The following LINGO2 variants were observed in gnomAD, a reference collection of about 807,000 sequenced individuals.
The protein encoded by LINGO2 is leucine-rich repeat and immunoglobulin-like domain-containing nogo receptor-interacting protein 2.
LINGO2 carries 14 observed loss-of-function variants against 30.6 expected under a neutral mutation model. The ratio of observed to expected loss-of-function variants is 0.46; its 90% CI spans 0.30 to 0.72. LINGO2 has a LOEUF of 0.72. Ranked by LOEUF, LINGO2 falls within the 30% of genes least tolerant of loss-of-function variation. LINGO2 has a pLI of 0.07. For synonymous variants in LINGO2, 317 were observed against 288.5 expected, an observed-to-expected ratio of 1.10 and a Z score of -1.00; for missense variants, 729 against 751.7, an observed-to-expected ratio of 0.97 and a Z score of 0.35.
chr9:28,667,753 A>AAAAAC (rs1452581432), intron 1 of LINGO2, among the ~76,000 whole-genome samples: 1 of 152,136 alleles, frequency 6.6e-6, no homozygotes, highest in African/African-American at 2.4e-5. Context: ...AAACAAAAAC[A>AAAAAC]AAAACAAAAA....
intron 3 of LINGO2, among the ~76,000 whole-genome samples, chr9:28,362,363 A>G (rs1257264170): frequency 2.6e-5 from 4 of 152,256 alleles, no homozygotes; most frequent in Non-Finnish European, 4.4e-5. Context: ...AGTCAAATAC[A>G]AATAAAATTA....
rs1308546594 is a variant in LINGO2 at position 28,173,050 on chromosome 9, A to C, written c.-87+122158T>G. Among the ~76,000 whole-genome samples, 3 of 152,272 alleles carry C rather than the reference A, an allele frequency of 2.0e-5. No individual in the cohort carries two copies. The East Asian group carries it at 5.8e-4, about 29-fold the overall frequency. ...AACTGTCTTAAAATTGTGTAATCTGAAGGCTCCAATTCAGCAGAGGCAGTT... is the reference window on the plus strand; with the variant it reads ...AACTGTCTTAAAATTGTGTAATCTGCAGGCTCCAATTCAGCAGAGGCAGTT... On this transcript the variant is annotated intron_variant, in intron 4 of 5. Transcript: ENST00000379992.
rs189614691 is a variant in LINGO2 at position 28,148,772 on chromosome 9, C to T, written c.-86-136367G>A. On this transcript the variant is annotated intron_variant, in intron 4 of 5. Coordinates refer to ENST00000379992, the Ensembl canonical transcript of LINGO2. This position sits in a 1 kb window ranked among gnomAD's most constrained non-coding sequence, Gnocchi z 5.1. ...GCCTGACCCACTTCCAACAGTGCTC[C>T]CTGCCCCAGTTCCAGGCTGCTCCCT... The T allele has an allele frequency of 8.5e-4, 1,302 of 1,534,108 alleles. 22 individuals carry two copies. In the South Asian group the frequency reaches 0.013, roughly 15 times the overall value.
the LINGO2 span, among the ~76,000 whole-genome samples, chr9:28,885,219 T>A: frequency 6.9e-6 from 1 of 145,386 alleles, no homozygotes; most frequent in Non-Finnish European, 1.5e-5. Flanking sequence ...ATTGCAACGG[T>A]GCCCCTTGTG....
chr9:28,155,275 T>C (rs1462318765), intron 4 of LINGO2, among the ~76,000 whole-genome samples: 1 of 152,162 alleles, frequency 6.6e-6, no homozygotes, highest in Admixed American at 6.5e-5. Flanking sequence ...GCAAACAAGG[T>C]CACATGCTGT....
chr9:28,396,531 C>G (rs1474727117), intron 2 of LINGO2, among the ~76,000 whole-genome samples: 2 of 151,606 alleles, frequency 1.3e-5, no homozygotes, highest in Non-Finnish European at 2.9e-5. Flanking sequence ...GGTGAAACCC[C>G]GTCTCTACTA....
chr9:28,666,997 A>C (rs1828827018), intron 1 of LINGO2, among the ~76,000 whole-genome samples: 1 of 152,196 alleles, frequency 6.6e-6, no homozygotes, highest in Non-Finnish European at 1.5e-5. Context: ...CTTAGTATTA[A>C]ATAAAATGTA....
intron 5 of LINGO2, among the ~76,000 whole-genome samples, chr9:27,982,035 GTC>G (rs1362096567): frequency 6.6e-6 from 1 of 151,836 alleles, no homozygotes; most frequent in Non-Finnish European, 1.5e-5. Flanking sequence ...AATCTACAGA[GTC>G]TCTGTGAAAA....
intron 4 of LINGO2, among the ~76,000 whole-genome samples, chr9:28,171,915 G>C (rs939870134): frequency 1.4e-3 from 212 of 149,540 alleles, no homozygotes; most frequent in Middle Eastern, 0.01. Context: ...CCAGCTACTT[G>C]GGAGGCTGAG....
At chr9:28,619,001 C>T (rs775172284) in intron 1 of LINGO2, among the ~76,000 whole-genome samples, 31 of 152,076 alleles carry the variant, frequency 2.0e-4, no homozygotes, top group Admixed American at 1.4e-3. Flanking sequence ...AATAAGACTT[C>T]GTAAATGATT....
At chr9:28,382,333 T>C (rs1166380429) in intron 2 of LINGO2, among the ~76,000 whole-genome samples, 2 of 152,136 alleles carry the variant, frequency 1.3e-5, no homozygotes, top group Non-Finnish European at 2.9e-5. Context: ...TGTTCTCTCA[T>C]GGAATGATTC....
chr9:28,383,028 T>C (rs1201968725), intron 2 of LINGO2, among the ~76,000 whole-genome samples: 1 of 152,026 alleles, frequency 6.6e-6, no homozygotes, highest in Admixed American at 6.6e-5. Flanking sequence ...AGGTGGTAAG[T>C]GTGGAAGTGA....
At chr9:28,321,353 A>G (rs1825035343) in intron 3 of LINGO2, among the ~76,000 whole-genome samples, 1 of 152,194 alleles carries the variant, frequency 6.6e-6, no homozygotes, top group Admixed American at 6.5e-5. Flanking sequence ...AGAGGCAGAG[A>G]AAACTGCATA....
At chr9:28,576,788 T>A (rs1006280751) in intron 1 of LINGO2, among the ~76,000 whole-genome samples, 2 of 152,288 alleles carry the variant, frequency 1.3e-5, no homozygotes, top group Non-Finnish European at 2.9e-5. Context: ...ATCTGTGAGA[T>A]TTTGGTGTAC....
chr9:28,662,235 A>G (rs140510242), intron 1 of LINGO2, among the ~76,000 whole-genome samples: 12 of 152,290 alleles, frequency 7.9e-5, no homozygotes, highest in South Asian at 6.2e-4. Context: ...GCGGGGCCCA[A>G]TGCAAATCGG....
At chr9:28,951,898 A>G in the LINGO2 span, among the ~76,000 whole-genome samples, 1 of 152,176 alleles carries the variant, frequency 6.6e-6, no homozygotes, top group Admixed American at 6.6e-5. Flanking sequence ...ATATGAATAG[A>G]CACTTCTCAA....
At chr9:28,094,092 A>G (rs1224952933) in intron 4 of LINGO2, among the ~76,000 whole-genome samples, 2 of 152,144 alleles carry the variant, frequency 1.3e-5, no homozygotes, top group African/African-American at 2.4e-5. Flanking sequence ...GCCAAATGTT[A>G]CATATAATTA....
At chr9:28,405,411 T>G (rs1822462178) in intron 2 of LINGO2, among the ~76,000 whole-genome samples, 2 of 151,986 alleles carry the variant, frequency 1.3e-5, no homozygotes, top group South Asian at 4.2e-4. Flanking sequence ...CTCAGGGGAG[T>G]CTGGGCCCAT....
At chr9:28,441,128 A>T (rs1824175782) in intron 2 of LINGO2, among the ~76,000 whole-genome samples, 1 of 152,044 alleles carries the variant, frequency 6.6e-6, no homozygotes, top group Non-Finnish European at 1.5e-5. Context: ...ACAGTGCAGC[A>T]CAAAGGCCTT....
Sources: allele counts gnomAD v4.1 joint callset (sites outside exome capture counted in the v4.1 genomes callset), GRCh38; gene constraint gnomAD v4.1.1; non-coding constraint Gnocchi (gnomAD v3.1); transcripts MANE v1.5; gene names NCBI Gene and HGNC (gene_info 2026-07-23, HGNC 2026-07-21).